The following NR1I2 variants were observed in gnomAD, a reference collection of about 807,000 sequenced individuals.
NR1I2 encodes orphan nuclear receptor PAR1.
A neutral mutation model predicts 43.3 loss-of-function variants in NR1I2; 42 were observed. The observed-to-expected ratio is 0.97, with a 90% CI of 0.76 to 1.26. NR1I2 has a LOEUF of 1.26. Ranked by LOEUF, NR1I2 falls within the 50% of genes most tolerant of loss-of-function variation. The pLI is 0.00. For synonymous variants in NR1I2, 229 were observed against 215.0 expected, an observed-to-expected ratio of 1.06 and a Z score of -0.57; for missense variants, 559 against 566.7, an observed-to-expected ratio of 0.99 and a Z score of 0.14.
At chr3:119,789,250 C>T (rs1369434207) in intron 1 of NR1I2, among the ~76,000 whole-genome samples, 1 of 152,102 alleles carries the variant, frequency 6.6e-6, no homozygotes, top group East Asian at 1.9e-4. Flanking sequence ...CTTTTTCTTC[C>T]TGATTGTAGT....
rs374144722 is a variant in NR1I2 at position 119,812,997 on chromosome 3, G to T, written c.794+37G>T. On this transcript the variant is annotated intron_variant, in intron 5 of 8. Transcript: ENST00000393716. ...AGACTGGGTGGTTGGGTGTGGAAAAGAACTGGAAGTGGCCAGGAGGTTCAA... is the reference window on the plus strand; with the variant it reads ...AGACTGGGTGGTTGGGTGTGGAAAATAACTGGAAGTGGCCAGGAGGTTCAA... The T allele has an allele frequency of 6.2e-6, 10 of 1,606,930 alleles. No homozygotes were observed. In the Admixed American group the frequency reaches 8.3e-5, roughly 13 times the overall value.
At chr3:119,782,936 C>A in intron 1 of NR1I2, 2 of 1,082,028 alleles carry the variant, frequency 1.8e-6, no homozygotes, top group Non-Finnish European at 2.8e-6. Context: ...GCCACCAGGT[C>A]CTTCTTCTCT....
In NR1I2 at chr3:119,794,677, C is replaced by A. The variant is rs560690912; in HGVS notation, c.-23+12377C>A. On this transcript the variant is annotated intron_variant, in intron 1 of 8. Transcript: ENST00000393716. ...CCCAGGCCAAGCGCCATGGTTCATG[C>A]CTGTAATCCCAGCATTTTGGTTGGC... is the stretch of plus-strand genomic sequence containing the variant. Among the ~76,000 whole-genome samples, 112 of 152,306 alleles carry A rather than the reference C, an allele frequency of 7.4e-4. 1 individual carries two copies. The highest frequency in any genetic ancestry group is 2.6e-3 in the African/African-American group (107 of 41,562).
In NR1I2 at chr3:119,815,126, C is replaced by T. The variant is rs937691854; in HGVS notation, c.937+5C>T. 2 of 1,614,120 alleles carry T rather than the reference C, an allele frequency of 1.2e-6. No homozygotes were observed. Among genetic ancestry groups the T allele is most frequent in the South Asian group, 2.2e-5 (2 of 91,080 alleles). ...ACTGCTTGGAAGACACTGCAGGTGC[C>T]CGAGAGAGCCTGCCTGCCCTGGCAG... On this transcript the variant is annotated splice_donor_5th_base_variant and intron_variant, in intron 6 of 8. Coordinates refer to ENST00000393716, the MANE Select transcript of NR1I2 (RefSeq NM_003889.4).
At chr3:119,797,184 A>ATGTGTGTGTGTGTG (rs1401966538) in intron 1 of NR1I2, among the ~76,000 whole-genome samples, 7 of 25,004 alleles carry the variant, frequency 2.8e-4, no homozygotes, top group East Asian at 2.4e-3. Context: ...CTGCACAAAG[A>ATGTGTGTGTGTGTG]TATGTGTGTG....
chr3:119,786,484 G>GAA (rs2054844699), intron 1 of NR1I2, among the ~76,000 whole-genome samples: 1 of 152,248 alleles, frequency 6.6e-6, no homozygotes, highest in South Asian at 2.1e-4. Flanking sequence ...TGTAATGTTT[G>GAA]AAATAATTTT....
At chr3:119,789,299 A>G (rs1577268829) in intron 1 of NR1I2, among the ~76,000 whole-genome samples, 2 of 151,766 alleles carry the variant, frequency 1.3e-5, no homozygotes, top group Admixed American at 1.3e-4. Flanking sequence ...CACATTGCTG[A>G]TAAAGACATA....
chr3:119,818,264 TA>T lies in NR1I2; in HGVS notation c.*1053del, dbSNP rs1232113848. On this transcript the variant is annotated 3_prime_UTR_variant, in exon 9 of 9. Transcript: ENST00000393716. The stretch of plus-strand genomic sequence containing the variant: ...TTAAACACACCGGAGAAGAACCATT[TA>T]CATGCACCTTATATTTCTGTGTACA... 7 of 985,496 alleles carry T rather than the reference TA, an allele frequency of 7.1e-6. No homozygotes were observed. The East Asian group carries it at 7.9e-4, about 112-fold the overall frequency. The allele number at this position is 985,496 out of a possible 1,614,324, so 61.0% of individuals were successfully genotyped here.
At chr3:119,783,903 A>G (rs1442333891) in intron 1 of NR1I2, among the ~76,000 whole-genome samples, 5 of 152,150 alleles carry the variant, frequency 3.3e-5, no homozygotes, top group Non-Finnish European at 7.3e-5. Context: ...ATCTGTATAG[A>G]GCTCTACTTC....
intron 1 of NR1I2, among the ~76,000 whole-genome samples, chr3:119,785,916 G>C (rs2472672): frequency 0.72 from 109,803 of 152,192 alleles, 42,271 homozygotes; most frequent in East Asian, 1. Context: ...CAATAAGATA[G>C]CTAGTAAAAG....
At chr3:119,813,171 T>A (rs2055269031) in intron 5 of NR1I2, among the ~76,000 whole-genome samples, 1 of 152,170 alleles carries the variant, frequency 6.6e-6, no homozygotes, top group African/African-American at 2.4e-5. Context: ...CCTGCCAGTG[T>A]CTCTGCCTCT....
intron 1 of NR1I2, chr3:119,803,022 G>A (rs1453057758): frequency 1.8e-5 from 8 of 454,258 alleles, no homozygotes; most frequent in Non-Finnish European, 3.1e-5. Flanking sequence ...TCATGATTGA[G>A]TTAGTGTCCT....
At chr3:119,792,419 G>A (rs917428175) in intron 1 of NR1I2, 1 of 1,212,718 alleles carries the variant, frequency 8.2e-7, no homozygotes, top group East Asian at 2.3e-5. Context: ...GAACTCACTG[G>A]CCACTGCAGG....
At chr3:119,783,931 C>T (rs1243322728) in intron 1 of NR1I2, among the ~76,000 whole-genome samples, 6 of 152,172 alleles carry the variant, frequency 3.9e-5, no homozygotes, top group Admixed American at 2.0e-4. Flanking sequence ...TTAACTGCTA[C>T]GTCATATTTC....
At chr3:119,813,050 G>A in intron 5 of NR1I2, 90 bp downstream of exon 5, 1 of 1,423,688 alleles carries the variant, frequency 7.0e-7, no homozygotes, top group Non-Finnish European at 9.7e-7. Flanking sequence ...CTGAATTTGG[G>A]GGATATTGGT....
intron 1 of NR1I2, among the ~76,000 whole-genome samples, chr3:119,793,808 T>A (rs1165971196): frequency 6.6e-6 from 1 of 152,174 alleles, no homozygotes; most frequent in Non-Finnish European, 1.5e-5. Context: ...AGGGCCTTTA[T>A]TCTATCTACC....
intron 1 of NR1I2, among the ~76,000 whole-genome samples, chr3:119,783,113 T>C (rs2472669): frequency 0.96 from 146,350 of 152,136 alleles, 70,653 homozygotes; most frequent in East Asian, 1. Context: ...AATGATATGG[T>C]CAGAGTTGAA....
chr3:119,782,669 G>T lies in NR1I2; in HGVS notation c.-23+369G>T, dbSNP rs1372868540. On this transcript the variant is annotated intron_variant, in intron 1 of 8. Coordinates refer to ENST00000393716, the MANE Select transcript of NR1I2 (RefSeq NM_003889.4). ...CACCTCCAAGGACTGTGGGAGCTGG[G>T]GACTATGGGAACTGGGATCAACTCA... The T allele has an allele frequency of 9.6e-6, 9 of 933,552 alleles. No homozygotes were observed. In the East Asian group the frequency reaches 2.2e-4, roughly 23 times the overall value. The allele number at this position is 933,552 out of a possible 1,614,324, so 57.8% of individuals were successfully genotyped here. A position where few individuals can be genotyped will look rare whatever the true frequency, so the allele number is the denominator to read the frequency against.
rs772189590 is a variant in NR1I2, at chr3:119,814,962, C to A, written c.795-17C>A. 1.9e-6 allele frequency: 3 copies of A among 1,613,908 alleles called. No individual in the cohort carries two copies. In the South Asian group the frequency reaches 3.3e-5, roughly 18 times the overall value. ...CCTCCCAGGGAGCTGTCCTCCCCTC[C>A]CCATCCTTGCTGCCAGGGACTTGCC... On this transcript the variant is annotated splice_polypyrimidine_tract_variant and intron_variant, in intron 5 of 8. Transcript: ENST00000393716.
Sources: gnomAD v4.1 joint callset for allele counts (sites outside exome capture counted in the v4.1 genomes callset) on GRCh38, gnomAD v4.1.1 for gene constraint, MANE v1.5 for transcripts, NCBI Gene and HGNC (gene_info 2026-07-23, HGNC 2026-07-21) for gene names.